The following IKZF1 variants were observed in gnomAD, a reference collection of about 807,000 sequenced individuals.
IKZF1 encodes DNA-binding protein Ikaros.
A neutral mutation model predicts 51.7 loss-of-function variants in IKZF1; 10 were observed. That is an observed-to-expected ratio of 0.19 (90% CI 0.12 to 0.33). The LOEUF is 0.33. Among genes scored for constraint, IKZF1 ranks in the 10% least tolerant of loss-of-function variants. IKZF1 has a pLI of 1.00. For missense variants in IKZF1, 484 were observed against 707.5 expected, an observed-to-expected ratio of 0.68 and a Z score of 3.58; for synonymous variants, 280 against 282.3, an observed-to-expected ratio of 0.99 and a Z score of 0.08.
intron 3 of IKZF1, among the ~76,000 whole-genome samples, chr7:50,375,275 A>G (rs1313493613): frequency 6.6e-6 from 1 of 152,144 alleles, no homozygotes; most frequent in East Asian, 1.9e-4. Flanking sequence ...CCAAAAAAAA[A>G]TGGCTGGATG....
At chr7:50,369,882 C>A (rs1025789762) in intron 3 of IKZF1, among the ~76,000 whole-genome samples, 1 of 152,116 alleles carries the variant, frequency 6.6e-6, no homozygotes, top group South Asian at 2.1e-4. Flanking sequence ...TAATAATATA[C>A]CCTAGTGGGA....
At chr7:50,349,681 G>T (rs147761122) in intron 3 of IKZF1, among the ~76,000 whole-genome samples, 1 of 152,082 alleles carries the variant, frequency 6.6e-6, no homozygotes, top group Non-Finnish European at 1.5e-5. Context: ...GGGCATGGGG[G>T]TGATGGGGAA....
intron 3 of IKZF1, chr7:50,328,607 G>A (rs934656887): frequency 1.3e-5 from 2 of 152,174 alleles, no homozygotes; most frequent in African/African-American, 2.4e-5. Flanking sequence ...GGACATACAG[G>A]TAAAATGAGG....
At chr7:50,348,906 A>G (rs1352155438) in intron 3 of IKZF1, among the ~76,000 whole-genome samples, 1 of 152,220 alleles carries the variant, frequency 6.6e-6, no homozygotes, top group Non-Finnish European at 1.5e-5. Flanking sequence ...ATGGGCAGGC[A>G]TGGCCCTTTC....
intron 2 of IKZF1, among the ~76,000 whole-genome samples, chr7:50,326,713 T>C (rs960916652): frequency 2.0e-5 from 3 of 152,252 alleles, no homozygotes; most frequent in Non-Finnish European, 4.4e-5. Context: ...GCAATTTTTG[T>C]ATTTGTGTGG....
intron 1 of IKZF1, among the ~76,000 whole-genome samples, chr7:50,305,913 G>C (rs546322811): frequency 1.3e-5 from 2 of 152,080 alleles, no homozygotes; most frequent in African/African-American, 4.8e-5. Context: ...GTCGAGGGGT[G>C]GGGGGGACCC....
At chr7:50,372,888 G>A (rs1252998568) in intron 3 of IKZF1, among the ~76,000 whole-genome samples, 4 of 152,200 alleles carry the variant, frequency 2.6e-5, no homozygotes, top group African/African-American at 9.7e-5. Flanking sequence ...CACATTTGTT[G>A]AATAATAAAA....
Position 50,376,965 on chromosome 7 carries a change from G to A in IKZF1, c.421+172G>A. ...ACCGAGTCATAGAGTCCTTGTTCTG[G>A]TACAGCCTTGTAAAGGACTTCTCAA... is the stretch of plus-strand genomic sequence containing the variant. On this transcript the variant is annotated intron_variant, in intron 4 of 7. Transcript: ENST00000331340. The surrounding 1 kb of genome is among the most constrained non-coding windows in gnomAD (Gnocchi z 4.5). 2 of 1,146,782 alleles carry A rather than the reference G, an allele frequency of 1.7e-6. No homozygotes were observed. The highest frequency in any genetic ancestry group is 2.4e-6 in the Non-Finnish European group (2 of 832,076). The allele number at this position is 1,146,782 out of a possible 1,614,324, so 71.0% of individuals were successfully genotyped here.
chr7:50,312,152 C>T (rs918393655), intron 1 of IKZF1, among the ~76,000 whole-genome samples: 2 of 152,096 alleles, frequency 1.3e-5, no homozygotes, highest in African/African-American at 4.8e-5. Context: ...ATTTTTTTAA[C>T]TTAAGTGATG....
At chr7:50,362,643 G>T (rs1805608138) in intron 3 of IKZF1, among the ~76,000 whole-genome samples, 1 of 152,034 alleles carries the variant, frequency 6.6e-6, no homozygotes, top group South Asian at 2.1e-4. Flanking sequence ...CCTTACTATT[G>T]CTTATCTGAA....
intron 3 of IKZF1, among the ~76,000 whole-genome samples, chr7:50,366,133 G>T (rs1313132935): frequency 6.6e-6 from 1 of 152,058 alleles, no homozygotes; most frequent in Non-Finnish European, 1.5e-5. Flanking sequence ...AGAAGGAAGA[G>T]TATCAGAAAA....
chr7:50,318,635 T>C (rs566630549), intron 1 of IKZF1: 10 of 218,504 alleles, frequency 4.6e-5, no homozygotes, highest in Non-Finnish European at 9.2e-5. Context: ...GTCACCAAGC[T>C]GACTCAAGGT....
At chr7:50,368,529 G>GA in intron 3 of IKZF1, 1 of 577,680 alleles carries the variant, frequency 1.7e-6, no homozygotes, top group East Asian at 2.8e-5. Flanking sequence ...ACTGAGAAGA[G>GA]AAAATTGCAG....
intron 5 of IKZF1, among the ~76,000 whole-genome samples, chr7:50,384,158 A>G (rs1474201798): frequency 1.3e-5 from 2 of 152,212 alleles, no homozygotes; most frequent in Non-Finnish European, 2.9e-5. Context: ...GGTTTGCTTT[A>G]GAGACATTCT....
intron 7 of IKZF1, 83 bp downstream of exon 7, chr7:50,391,946 G>A (rs2153501665): frequency 1.4e-6 from 2 of 1,426,134 alleles, no homozygotes; most frequent in South Asian, 1.5e-5. Flanking sequence ...GAGGGTGGAA[G>A]AAAGGGAAAA....
intron 3 of IKZF1, among the ~76,000 whole-genome samples, chr7:50,339,984 A>C (rs1371638383): frequency 6.6e-6 from 1 of 152,192 alleles, no homozygotes; most frequent in Admixed American, 6.5e-5. Context: ...TCTGCAAAGA[A>C]ATTTCTGTTG....
rs1032492446 is a variant in IKZF1, at chr7:50,340,282, G to C, written c.160+12525G>C. ...TGAGTTCAGCTGCAGGGATCTCAGAGAGACAGGTCTAGGGTGTGTCTCCGC... is the reference window on the plus strand; with the variant it reads ...TGAGTTCAGCTGCAGGGATCTCAGACAGACAGGTCTAGGGTGTGTCTCCGC... On this transcript the variant is annotated intron_variant, in intron 3 of 7. Transcript: ENST00000331340. Among the ~76,000 whole-genome samples the C allele has an allele frequency of 9.2e-5, 14 of 152,374 alleles. No homozygotes were observed. In the East Asian group the frequency reaches 1.9e-3, roughly 21 times the overall value.
At chr7:50,352,094 G>T (rs28733769) in intron 3 of IKZF1, among the ~76,000 whole-genome samples, 17,073 of 152,204 alleles carry the variant, frequency 0.11, 989 homozygotes, top group Non-Finnish European at 0.14. Flanking sequence ...ATGCAGCAGA[G>T]AAATTGACTT....
rs574715402 is a variant in IKZF1, at chr7:50,376,354, C to T, written c.161-179C>T. The stretch of plus-strand genomic sequence containing the variant: ...CCAGGTGCATCCCGAGGCCTGCCAC[C>T]GAAGCCCACTCAAGGCTGAATGCAC... On this transcript the variant is annotated intron_variant, in intron 3 of 7. Coordinates refer to ENST00000331340, the MANE Select transcript of IKZF1 (RefSeq NM_006060.6). This position sits in a 1 kb window ranked among gnomAD's most constrained non-coding sequence, Gnocchi z 4.5. 3.9e-5 allele frequency among the ~76,000 whole-genome samples: 6 copies of T among 152,338 alleles called. No individual in the cohort carries two copies. The East Asian group carries it at 5.8e-4, about 15-fold the overall frequency.
Sources: allele counts gnomAD v4.1 joint callset (sites outside exome capture counted in the v4.1 genomes callset), GRCh38; gene constraint gnomAD v4.1.1; non-coding constraint Gnocchi (gnomAD v3.1); transcripts MANE v1.5; gene names NCBI Gene and HGNC (gene_info 2026-07-23, HGNC 2026-07-21).